GPC1: variants seen among roughly 807,000 people sequenced by gnomAD.
The protein encoded by GPC1 is glypican-1.
A neutral mutation model predicts 51.5 loss-of-function variants in GPC1; 26 were observed. That is an observed-to-expected ratio of 0.50 (90% CI 0.37 to 0.70). GPC1 has a LOEUF of 0.70. Among genes scored for constraint, GPC1 ranks in the 30% least tolerant of loss-of-function variants. GPC1 has a pLI of 0.00. For missense variants in GPC1, 775 were observed against 800.5 expected, an observed-to-expected ratio of 0.97 and a Z score of 0.38; for synonymous variants, 380 against 348.3, an observed-to-expected ratio of 1.09 and a Z score of -1.01.
rs764707433 is a variant in GPC1 at position 240,464,762 on chromosome 2, C to T, written c.1014+16C>T. 87 of 1,599,280 alleles carry T rather than the reference C, an allele frequency of 5.4e-5. 1 individual carries two copies. In the Admixed American group the frequency reaches 1.2e-3, roughly 23 times the overall value. On this transcript the variant is annotated intron_variant, in intron 5 of 8. Transcript: ENST00000264039. ...CACGGCCAAGGTGCGGGCAGGAGGA[C>T]GTGACGAGCACAGCGGGGTGGGGGT...
In GPC1 at chr2:240,463,334, C is replaced by T. The variant is rs576595800; in HGVS notation, c.718-13C>T. On this transcript the variant is annotated splice_polypyrimidine_tract_variant and intron_variant, in intron 3 of 8. Coordinates refer to ENST00000264039, the MANE Select transcript of GPC1 (RefSeq NM_002081.3). Reference sequence around the variant, plus strand: ...GGGCCTCGGGGCCTGGCTTAGGGTCCCTTGCTCCCCAGGTCCCCCTGGGCC... The same window carrying T: ...GGGCCTCGGGGCCTGGCTTAGGGTCTCTTGCTCCCCAGGTCCCCCTGGGCC... 320 of 1,611,684 alleles carry T rather than the reference C, an allele frequency of 2.0e-4. 2 individuals are homozygous for T. In the South Asian group the frequency reaches 3.3e-3, roughly 17 times the overall value.
At chr2:240,450,996 G>C (rs943869448) in intron 1 of GPC1, 1 of 412,518 alleles carries the variant, frequency 2.4e-6, no homozygotes, top group Admixed American at 2.6e-5. Context: ...TGACTGGGTG[G>C]AGTGACTGGG....
At chr2:240,445,377 G>A (rs2074042588) in intron 1 of GPC1, among the ~76,000 whole-genome samples, 1 of 152,178 alleles carries the variant, frequency 6.6e-6, no homozygotes, top group African/African-American at 2.4e-5. Flanking sequence ...GTGCTCTGGT[G>A]TTTAGTGGGT....
intron 2 of GPC1, among the ~76,000 whole-genome samples, chr2:240,461,227 C>T (rs1014476798): frequency 3.3e-5 from 5 of 152,218 alleles, no homozygotes; most frequent in Admixed American, 2.0e-4. Flanking sequence ...GTAGCCCTGC[C>T]AGCCCTGAAG....
chr2:240,440,872 C>A (rs1221845195), intron 1 of GPC1, among the ~76,000 whole-genome samples: 1 of 152,280 alleles, frequency 6.6e-6, no homozygotes, highest in Non-Finnish European at 1.5e-5. Context: ...GCCTCACCCT[C>A]CGGCCTGGCT....
chr2:240,465,588 A>G lies in GPC1; in HGVS notation c.1384A>G (p.Ile462Val), dbSNP rs759266009. Reference protein sequence around the residue: ...TIRQQIMQLKIMTNRLRSAYN... With the variant: ...TIRQQIMQLKVMTNRLRSAYN... ...CCGGCAGCAGATCATGCAGCTGAAG[A>G]TCATGACCAACCGGCTGCGCAGCGC... The change falls in exon 8 of 9, where the codon ATC becomes GTC. Residue 462 changes from isoleucine to valine, a missense_variant. By Grantham distance (29) the Ile-to-Val change is conservative (BLOSUM62 3). Coordinates refer to ENST00000264039, the MANE Select transcript of GPC1 (RefSeq NM_002081.3). 2 of 1,613,122 alleles carry G rather than the reference A, an allele frequency of 1.2e-6. No homozygotes were observed. The highest frequency in any genetic ancestry group is 1.7e-6 in the Non-Finnish European group (2 of 1,179,984).
At chr2:240,459,286 G>A (rs2074197244) in intron 2 of GPC1, 98 bp downstream of exon 2, 1 of 1,160,038 alleles carries the variant, frequency 8.6e-7, no homozygotes, top group Non-Finnish European at 1.2e-6. Context: ...CCAAGGGTGG[G>A]GGATTGGCAG....
rs2074072119 is a variant in GPC1 at position 240,448,901 on chromosome 2, ACCTGGGCTCGGGGTGCCCAGGTATCAAG to A, written c.167-10120_167-10093del. 6.6e-6 allele frequency among the ~76,000 whole-genome samples: 1 copy of A among 151,588 alleles called. No individual in the cohort carries two copies. Among genetic ancestry groups the A allele is most frequent in the African/African-American group, 2.4e-5 (1 of 41,228 alleles). On this transcript the variant is annotated intron_variant, in intron 1 of 8. Coordinates refer to ENST00000264039, the MANE Select transcript of GPC1 (RefSeq NM_002081.3). The surrounding 1 kb of genome is among the most constrained non-coding windows in gnomAD (Gnocchi z 4.5). ...TTTGCAAGAGTGGCCTAATCTCCAT[ACCTGGGCTCGGGGTGCCCAGGTATCAAG>A]CCTGGGCTTCTCATTTCCTCCCCTT...
At chr2:240,453,827 ACGCTGCCGC>A (rs1192603915) in intron 1 of GPC1, among the ~76,000 whole-genome samples, 3 of 151,908 alleles carry the variant, frequency 2.0e-5, no homozygotes, top group Non-Finnish European at 2.9e-5. Context: ...CAGGGCGGCG[ACGCTGCCGC>A]CGGTGCCGCC....
chr2:240,462,537 G>A lies in GPC1; in HGVS notation c.672G>A (p.Val224=), dbSNP rs371571157. 3 of 1,568,434 alleles carry A rather than the reference G, an allele frequency of 1.9e-6. No homozygotes were observed. ...TRAFVAARSF[V]QGLGVASDVV... ...CCTTCGTGGCTGCTCGCTCCTTTGT[G>A]CAGGGCCTGGGCGTGGCCAGCGACG... Residue 224 remains valine, a synonymous_variant, in exon 3 of 9, where the codon GTG becomes GTA. Coordinates refer to ENST00000264039, the MANE Select transcript of GPC1 (RefSeq NM_002081.3).
chr2:240,463,466 C>T lies in GPC1; in HGVS notation c.837C>T (p.Cys279=). 6.2e-7 allele frequency: 1 copy of T among 1,612,992 alleles called. No homozygotes were observed. The highest frequency in any genetic ancestry group is 1.1e-5 in the South Asian group (1 of 91,088). The change falls in exon 4 of 9, where the codon TGC becomes TGT. Residue 279 remains cysteine, a synonymous_variant. Transcript: ENST00000264039. ...PDYCRNVLKG[C]LANQADLDAE... ...ATTGCCGAAATGTGCTCAAGGGCTG[C>T]CTTGCCAACCAGGCCGACCTGGACG... is the stretch of plus-strand genomic sequence containing the variant.
intron 1 of GPC1, chr2:240,455,939 C>T: frequency 2.6e-6 from 1 of 379,774 alleles, no homozygotes; most frequent in African/African-American, 2.3e-5. Context: ...CGCCTCGATC[C>T]AGCCTGCCCG....
Position 240,467,077 on chromosome 2 carries a change from G to C in GPC1, c.*787G>C, listed in dbSNP as rs2074268817. The C allele has an allele frequency of 6.6e-6, 1 of 152,292 alleles. No homozygotes were observed. The highest frequency in any genetic ancestry group is 2.1e-4 in the South Asian group (1 of 4,836). The allele number at this position is 152,292 out of a possible 1,614,324, so 9.4% of individuals were successfully genotyped here. A position where few individuals can be genotyped will look rare whatever the true frequency, so the allele number is the denominator to read the frequency against. ...CAATGTGGGCTGCCCCTCGCACACA[G>C]GGCTCACAGGGCAGGCCTTGCTGGG... On this transcript the variant is annotated 3_prime_UTR_variant, in exon 9 of 9. Transcript: ENST00000264039.
At chr2:240,437,146 G>T (rs2073989387) in intron 1 of GPC1, among the ~76,000 whole-genome samples, 1 of 152,194 alleles carries the variant, frequency 6.6e-6, no homozygotes, top group Non-Finnish European at 1.5e-5. Flanking sequence ...CGGGTGGAGG[G>T]CTACTCAGAT....
At chr2:240,462,048 C>A in intron 2 of GPC1, 143 bp from the exon 3 acceptor site, 1 of 820,818 alleles carries the variant, frequency 1.2e-6, no homozygotes, top group Non-Finnish European at 1.8e-6. Context: ...ACAGGGCCCA[C>A]AGCCGCTGCA....
In GPC1 at chr2:240,464,939, G is replaced by T. The variant is rs377513817; in HGVS notation, c.1098G>T (p.Pro366=). The T allele has an allele frequency of 6.4e-7, 1 of 1,551,818 alleles. No individual in the cohort carries two copies. Reference sequence around the variant, plus strand: ...AGCGGCGCCGGGGCAAGCTGGCCCCGCGGGAGAGGCCACCTTCAGGCACGC... The same window carrying T: ...AGCGGCGCCGGGGCAAGCTGGCCCCTCGGGAGAGGCCACCTTCAGGCACGC... ...EEKRRRGKLA[P]RERPPSGTLE... The change falls in exon 6 of 9, where the codon CCG becomes CCT. Residue 366 remains proline (P), a synonymous_variant. Transcript: ENST00000264039.
Position 240,445,990 on chromosome 2 carries a change from C to T in GPC1, c.166+9906C>T, listed in dbSNP as rs1375950694. ...TGATGAGTGCTTCCTCCATGGTCCT[C>T]TGTGTAGTTGTATGCTTCAGAAACA... is the stretch of plus-strand genomic sequence containing the variant. On this transcript the variant is annotated intron_variant, in intron 1 of 8. Coordinates refer to ENST00000264039, the MANE Select transcript of GPC1 (RefSeq NM_002081.3). 2.0e-5 allele frequency among the ~76,000 whole-genome samples: 3 copies of T among 152,240 alleles called. No homozygotes were observed. The East Asian group carries it at 5.8e-4, about 29-fold the overall frequency.
rs765803099 is a variant in GPC1 at position 240,466,054 on chromosome 2, C to T, written c.1445-4C>T. ...TGCCTGCCGGAGCCTCCTCTCCTTC[C>T]CAGGTGACGACGGCAGCGGCTCGGG... On this transcript the variant is annotated splice_region_variant and splice_polypyrimidine_tract_variant and intron_variant, in intron 8 of 8. Coordinates refer to ENST00000264039, the MANE Select transcript of GPC1 (RefSeq NM_002081.3). The T allele has an allele frequency of 3.8e-6, 6 of 1,599,126 alleles. No individual in the cohort carries two copies. The South Asian group carries it at 6.6e-5, about 18-fold the overall frequency.
chr2:240,443,910 G>A (rs568991988), intron 1 of GPC1, among the ~76,000 whole-genome samples: 32 of 152,336 alleles, frequency 2.1e-4, no homozygotes, highest in African/African-American at 6.5e-4. Context: ...GAGAGGCCTC[G>A]CCGCCTGGGG....
Sources: gnomAD v4.1 joint callset for allele counts (sites outside exome capture counted in the v4.1 genomes callset) on GRCh38, gnomAD v4.1.1 for gene constraint, Gnocchi (gnomAD v3.1) non-coding constraint, MANE v1.5 for transcripts, NCBI Gene and HGNC (gene_info 2026-07-23, HGNC 2026-07-21) for gene names.